The following NOL4 variants were observed in gnomAD, a reference collection of about 807,000 sequenced individuals.
The protein encoded by NOL4 is nucleolar protein 4.
NOL4 carries 17 observed loss-of-function variants against 75.9 expected under a neutral mutation model. That is an observed-to-expected ratio of 0.22 (90% CI 0.15 to 0.34). The LOEUF (loss-of-function observed/expected upper bound fraction) is 0.34, where lower values mean the gene tolerates loss of function less well. Ranked by LOEUF, NOL4 falls within the 10% of genes least tolerant of loss-of-function variation. NOL4 has a pLI of 1.00. For synonymous variants in NOL4, 292 were observed against 289.9 expected, an observed-to-expected ratio of 1.01 and a Z score of -0.07; for missense variants, 614 against 793.5, an observed-to-expected ratio of 0.77 and a Z score of 2.72.
intron 2 of NOL4, among the ~76,000 whole-genome samples, chr18:34,117,609 G>A (rs921111590): frequency 1.3e-5 from 2 of 151,996 alleles, no homozygotes; most frequent in African/African-American, 4.8e-5. Context: ...ACAGAGCTCC[G>A]CCTGGAAAAA....
At chr18:34,139,010 C>T (rs1451733837) in intron 1 of NOL4, among the ~76,000 whole-genome samples, 2 of 152,192 alleles carry the variant, frequency 1.3e-5, no homozygotes, top group East Asian at 3.8e-4. Flanking sequence ...AGCAGCCTTG[C>T]ATCCCAGGGA....
intron 9 of NOL4, among the ~76,000 whole-genome samples, chr18:33,938,832 T>C (rs936554146): frequency 6.6e-6 from 1 of 152,188 alleles, no homozygotes; most frequent in African/African-American, 2.4e-5. Flanking sequence ...TTTGGTGTTT[T>C]AGTCATGAAG....
In NOL4 at chr18:33,963,367, T is replaced by C. The variant is rs370020699; in HGVS notation, c.1057-4949A>G. ...TTCATAAATGGGGGAATGTGAGTAT[T>C]GGAATGGTATCATAGGCTCAGGGAA... On this transcript the variant is annotated intron_variant, in intron 6 of 10. Transcript: ENST00000261592. Among the ~76,000 whole-genome samples, 3 of 152,282 alleles carry C rather than the reference T, an allele frequency of 2.0e-5. No homozygotes were observed. The East Asian group carries it at 5.8e-4, about 29-fold the overall frequency.
intron 1 of NOL4, among the ~76,000 whole-genome samples, chr18:34,144,737 G>A (rs947386082): frequency 1.3e-5 from 2 of 152,114 alleles, no homozygotes; most frequent in African/African-American, 2.4e-5. Flanking sequence ...AAAATTTAAT[G>A]CAATTGTATG....
intron 6 of NOL4, among the ~76,000 whole-genome samples, chr18:33,994,423 T>A (rs149253247): frequency 2.6e-5 from 4 of 152,132 alleles, no homozygotes; most frequent in African/African-American, 9.6e-5. Context: ...AAAGCCAATC[T>A]TCATGAATGC....
intron 5 of NOL4, among the ~76,000 whole-genome samples, chr18:34,072,608 A>G (rs2077570460): frequency 6.6e-6 from 1 of 152,236 alleles, no homozygotes; most frequent in Non-Finnish European, 1.5e-5. Flanking sequence ...CTTAGTTTGC[A>G]TAAACAGAAT....
intron 9 of NOL4, among the ~76,000 whole-genome samples, chr18:33,891,743 A>G (rs1016168196): frequency 1.3e-5 from 2 of 152,200 alleles, no homozygotes; most frequent in South Asian, 4.1e-4. Context: ...GATCTCTTGT[A>G]TGGTAGAATC....
In NOL4 at chr18:34,196,564, G is replaced by C. The variant is rs575233154; in HGVS notation, c.264+26426C>G. 5.9e-5 allele frequency among the ~76,000 whole-genome samples: 9 copies of C among 152,252 alleles called. 1 individual carries two copies. Among genetic ancestry groups the C allele is most frequent in the Middle Eastern group, 3.4e-3 (1 of 294 alleles). On this transcript the variant is annotated intron_variant, in intron 1 of 10. Coordinates refer to ENST00000261592, the MANE Select transcript of NOL4 (RefSeq NM_003787.5). ...GAATTTTGATTAGATGTTCACAGCA[G>C]GGATTTGGGGGCCCTCAAGCAAATA...
intron 2 of NOL4, among the ~76,000 whole-genome samples, chr18:34,127,319 C>A (rs1362604229): frequency 6.6e-6 from 1 of 151,760 alleles, no homozygotes; most frequent in Admixed American, 6.6e-5. Context: ...AATAAAATGA[C>A]CACTAGATCT....
At chr18:33,973,033 T>C (rs2071204741) in intron 6 of NOL4, among the ~76,000 whole-genome samples, 1 of 152,220 alleles carries the variant, frequency 6.6e-6, no homozygotes, top group Non-Finnish European at 1.5e-5. Flanking sequence ...CTGTAACATG[T>C]GAGGTTGTTT....
At chr18:33,869,255 T>G (rs2063580165) in intron 10 of NOL4, among the ~76,000 whole-genome samples, 1 of 152,046 alleles carries the variant, frequency 6.6e-6, no homozygotes, top group South Asian at 2.1e-4. Flanking sequence ...TGGTTTAAGT[T>G]TGATCCATTT....
intron 9 of NOL4, among the ~76,000 whole-genome samples, chr18:33,911,406 C>G (rs1241232967): frequency 6.6e-6 from 1 of 152,058 alleles, no homozygotes; most frequent in African/African-American, 2.4e-5. Flanking sequence ...TGACCCTCTA[C>G]AATATATTTT....
intron 5 of NOL4, among the ~76,000 whole-genome samples, chr18:34,047,403 T>G (rs2076429729): frequency 6.6e-6 from 1 of 152,080 alleles, no homozygotes; most frequent in Non-Finnish European, 1.5e-5. Flanking sequence ...TATATAAACA[T>G]GATGGAAACA....
chr18:33,935,768 G>C (rs1263714208), intron 9 of NOL4, among the ~76,000 whole-genome samples: 2 of 152,108 alleles, frequency 1.3e-5, no homozygotes, highest in African/African-American at 4.8e-5. Flanking sequence ...AATGAGGAAT[G>C]CTTGTGCTTC....
chr18:33,937,074 A>G (rs2068106386), intron 9 of NOL4, among the ~76,000 whole-genome samples: 1 of 152,074 alleles, frequency 6.6e-6, no homozygotes, highest in South Asian at 2.1e-4. Context: ...TTGAATTGTC[A>G]AAGTGAAGAA....
intron 9 of NOL4, among the ~76,000 whole-genome samples, chr18:33,906,086 G>A (rs946745806): frequency 6.6e-6 from 1 of 152,196 alleles, no homozygotes; most frequent in African/African-American, 2.4e-5. Context: ...TGTAGGCCAA[G>A]CTAACTACGA....
chr18:34,034,612 A>C (rs2075798206), intron 5 of NOL4, among the ~76,000 whole-genome samples: 1 of 152,034 alleles, frequency 6.6e-6, no homozygotes, highest in Admixed American at 6.6e-5. Flanking sequence ...AGTGGTGCAC[A>C]CCGATAGTCC....
chr18:33,943,804 C>T (rs568362029), intron 8 of NOL4, among the ~76,000 whole-genome samples: 1 of 151,926 alleles, frequency 6.6e-6, no homozygotes, highest in Non-Finnish European at 1.5e-5. Context: ...TTTTGTTTTA[C>T]TTATAAAATA....
chr18:33,874,716 A>C (rs1219886387), intron 10 of NOL4, among the ~76,000 whole-genome samples: 1 of 151,978 alleles, frequency 6.6e-6, no homozygotes, highest in African/African-American at 2.4e-5. Flanking sequence ...TAAGAAGTGA[A>C]GGCAGTGAAT....
Sources: allele counts gnomAD v4.1 joint callset (sites outside exome capture counted in the v4.1 genomes callset), GRCh38; gene constraint gnomAD v4.1.1; transcripts MANE v1.5; gene names NCBI Gene and HGNC (gene_info 2026-07-23, HGNC 2026-07-21).